The following FAR2 variants were observed in gnomAD, a reference collection of about 807,000 sequenced individuals.
FAR2 encodes fatty acyl-CoA reductase 2, also known as epididymis secretory protein Li 81.
Under a neutral mutation model 56.0 loss-of-function variants are expected in FAR2, and 19 were observed. The ratio of observed to expected loss-of-function variants is 0.34; its 90% CI spans 0.24 to 0.50. FAR2 has a LOEUF of 0.50. Ranked by LOEUF, FAR2 falls within the 20% of genes least tolerant of loss-of-function variation. The pLI is 0.98. For missense variants in FAR2, 508 were observed against 642.2 expected (o/e 0.79, Z 2.26); for synonymous variants, 219 against 218.8 (o/e 1.00, Z -0.01).
chr12:29,310,025 G>C (rs905545635), intron 6 of FAR2: 2 of 152,162 alleles, frequency 1.3e-5, no homozygotes, highest in African/African-American at 4.8e-5. Context: ...TTGCAATACA[G>C]ATATGAGACA....
rs199702235 is a variant in FAR2, at chr12:29,333,818, T to C, written c.*24T>C. On this transcript the variant is annotated 3_prime_UTR_variant, in exon 12 of 12. Coordinates refer to ENST00000536681, the MANE Select transcript of FAR2 (RefSeq NM_001271783.2). ...AAGAGCATTTAGCCATCGCTTTTTA[T>C]CTGGAACCTCTCAGATACCTCTAAA... The C allele has an allele frequency of 1.3e-4, 202 of 1,607,918 alleles. 2 individuals carry two copies. In the East Asian group the frequency reaches 4.4e-3, roughly 35 times the overall value.
intron 1 of FAR2, among the ~76,000 whole-genome samples, chr12:29,171,044 T>C (rs1048430167): frequency 5.9e-5 from 9 of 152,258 alleles, no homozygotes; most frequent in African/African-American, 1.9e-4. Flanking sequence ...TAGCGAAGTC[T>C]CCCAGTGACA....
chr12:29,275,750 G>C (rs999309728), intron 2 of FAR2, among the ~76,000 whole-genome samples: 3 of 152,222 alleles, frequency 2.0e-5, no homozygotes, highest in Non-Finnish European at 1.5e-5. Flanking sequence ...TATTGTGGCA[G>C]AGAGTCTTGT....
At position 29,208,680 on chromosome 12, in the gene FAR2, G is replaced by A. The variant is rs149348815; in HGVS notation, c.-39+59273G>A. Reference sequence around the variant, plus strand: ...AAAAAAAATGCCCACCTGTTGGCCAGTCTAGCTCTGGAGACAAAATTATAA... The same window carrying A: ...AAAAAAAATGCCCACCTGTTGGCCAATCTAGCTCTGGAGACAAAATTATAA... On this transcript the variant is annotated intron_variant, in intron 1 of 11. Coordinates refer to ENST00000536681, the MANE Select transcript of FAR2 (RefSeq NM_001271783.2). Among the ~76,000 whole-genome samples the A allele has an allele frequency of 2.3e-4, 35 of 152,274 alleles. No individual in the cohort carries two copies. In the East Asian group the frequency reaches 5.8e-3, roughly 25 times the overall value.
intron 1 of FAR2, among the ~76,000 whole-genome samples, chr12:29,162,668 G>C (rs571559304): frequency 2.0e-5 from 3 of 152,240 alleles, no homozygotes; most frequent in African/African-American, 7.2e-5. Flanking sequence ...GTGTGGAAAG[G>C]TCTTGACCAA....
chr12:29,251,510 C>A lies in FAR2; in HGVS notation c.-38-18902C>A, dbSNP rs557655343. On this transcript the variant is annotated intron_variant, in intron 1 of 11. Transcript: ENST00000536681. ...AGAATAGGAGGTCAGGTGATCAATG[C>A]AGTTTTAGTTTAGATCTGTCTCACA... Among the ~76,000 whole-genome samples, 3 of 152,254 alleles carry A rather than the reference C, an allele frequency of 2.0e-5. No individual in the cohort carries two copies. In the East Asian group the frequency reaches 5.8e-4, roughly 29 times the overall value.
rs558327744 is a variant in FAR2 at position 29,162,077 on chromosome 12, T to A, written c.-39+12670T>A. ...GTCTTCTCCCAATCTATGCCTGGCC[T>A]TTTTGCTCTTTTTTATCTTTTAATG... On this transcript the variant is annotated intron_variant, in intron 1 of 11. Transcript: ENST00000536681. 8.5e-5 allele frequency among the ~76,000 whole-genome samples: 13 copies of A among 152,326 alleles called. No homozygotes were observed. In the South Asian group the frequency reaches 2.5e-3, roughly 29 times the overall value.
At chr12:29,276,422 G>C (rs577972736) in intron 2 of FAR2, among the ~76,000 whole-genome samples, 1 of 152,264 alleles carries the variant, frequency 6.6e-6, no homozygotes, top group South Asian at 2.1e-4. Flanking sequence ...TGGCCATTTT[G>C]TGGGTAACAA....
chr12:29,220,224 T>G (rs1399735745), intron 1 of FAR2, among the ~76,000 whole-genome samples: 1 of 152,200 alleles, frequency 6.6e-6, no homozygotes, highest in Non-Finnish European at 1.5e-5. Context: ...GCAGACCCTT[T>G]CTTGGTTACA....
chr12:29,178,754 AT>A (rs1298693944), intron 1 of FAR2, among the ~76,000 whole-genome samples: 3 of 152,260 alleles, frequency 2.0e-5, no homozygotes, highest in Non-Finnish European at 2.9e-5. Flanking sequence ...TATTCAAAAA[AT>A]ATCTTCCTTT....
intron 1 of FAR2, among the ~76,000 whole-genome samples, chr12:29,176,486 G>A (rs1949939904): frequency 6.6e-6 from 1 of 152,120 alleles, no homozygotes; most frequent in Non-Finnish European, 1.5e-5. Flanking sequence ...AAAAGAGACA[G>A]CTCTTTCAGA....
intron 1 of FAR2, among the ~76,000 whole-genome samples, chr12:29,208,374 A>C (rs1947501071): frequency 6.6e-6 from 1 of 152,232 alleles, no homozygotes; most frequent in African/African-American, 2.4e-5. Context: ...GACTGTGGTG[A>C]GGTGGGAACT....
At chr12:29,228,286 A>G (rs753433577) in intron 1 of FAR2, among the ~76,000 whole-genome samples, 4 of 152,220 alleles carry the variant, frequency 2.6e-5, no homozygotes, top group Non-Finnish European at 4.4e-5. Context: ...ATGAACAACA[A>G]CAACAAAAAG....
At chr12:29,332,382 G>GT (rs1360746419) in intron 10 of FAR2, among the ~76,000 whole-genome samples, 1 of 152,166 alleles carries the variant, frequency 6.6e-6, no homozygotes, top group East Asian at 1.9e-4. Context: ...AATGTGAAGT[G>GT]TTTGTGTTTG....
chr12:29,150,251 C>A (rs1401499044), intron 1 of FAR2, among the ~76,000 whole-genome samples: 1 of 152,188 alleles, frequency 6.6e-6, no homozygotes, highest in African/African-American at 2.4e-5. Context: ...CAGAGGAAGG[C>A]GTCTCACCTG....
At position 29,297,211 on chromosome 12, in the gene FAR2, C is replaced by T; in HGVS notation, c.545+11C>T. On this transcript the variant is annotated intron_variant, in intron 4 of 11. Transcript: ENST00000536681. Reference sequence around the variant, plus strand: ...CATTGATTCCCTTGAGTAAGTTGGTCTAATAAAAGGATCAAGGGGCGGGTA... The same window carrying T: ...CATTGATTCCCTTGAGTAAGTTGGTTTAATAAAAGGATCAAGGGGCGGGTA... 6.2e-7 allele frequency: 1 copy of T among 1,607,350 alleles called. No homozygotes were observed. Among genetic ancestry groups the T allele is most frequent in the East Asian group, 2.2e-5 (1 of 44,800 alleles).
chr12:29,157,142 A>ATATATATATATATATATATATATATATG (rs1289279461), intron 1 of FAR2, among the ~76,000 whole-genome samples: 2 of 137,788 alleles, frequency 1.5e-5, no homozygotes, highest in African/African-American at 5.4e-5. Flanking sequence ...ATATATATAT[A>ATATATATATATATATATATATATATATG]TATGTATCAA....
chr12:29,215,245 C>T (rs1947608990), intron 1 of FAR2, among the ~76,000 whole-genome samples: 1 of 152,038 alleles, frequency 6.6e-6, no homozygotes, highest in Non-Finnish European at 1.5e-5. Context: ...AATATGAAGA[C>T]CATAGTACAT....
At chr12:29,263,076 A>T (rs920722477) in intron 1 of FAR2, among the ~76,000 whole-genome samples, 1 of 152,158 alleles carries the variant, frequency 6.6e-6, no homozygotes, top group Admixed American at 6.5e-5. Flanking sequence ...AATGATAAAG[A>T]TGTTGAACCA....
Sources: gnomAD v4.1 joint callset for allele counts (sites outside exome capture counted in the v4.1 genomes callset) on GRCh38, gnomAD v4.1.1 for gene constraint, MANE v1.5 for transcripts, NCBI Gene and HGNC (gene_info 2026-07-23, HGNC 2026-07-21) for gene names.